Variants in SYTL5 observed in about 807,000 individuals in gnomAD.
The protein encoded by SYTL5 is synaptotagmin like 5.
SYTL5 carries 34 observed loss-of-function variants against 55.9 expected under a neutral mutation model. That is an observed-to-expected ratio of 0.61 (90% CI 0.46 to 0.81). The LOEUF is 0.81. Among genes scored for constraint, SYTL5 ranks in the 30% least tolerant of loss-of-function variants. The probability of loss-of-function intolerance (pLI) is 0.00; values close to 1 mark genes in which losing one functional copy is unlikely to be tolerated. For synonymous variants in SYTL5, 221 were observed against 188.7 expected (o/e 1.17, Z -1.40); for missense variants, 637 against 546.7 (o/e 1.17, Z -1.65).
chrX:37,901,564 C>T, the SYTL5 span, among the ~76,000 whole-genome samples: 1 of 112,046 alleles, frequency 8.9e-6, no homozygotes, highest in Non-Finnish European at 1.9e-5. Flanking sequence ...TGAAGTTCTT[C>T]TCTAAGAAGT....
chrX:38,059,695 T>TTTTG (rs34023431), intron 3 of SYTL5, among the ~76,000 whole-genome samples: 63 of 110,944 alleles, frequency 5.7e-4, no homozygotes, highest in Admixed American at 3.8e-3. Flanking sequence ...TTTTGGGGTT[T>TTTTG]TTTGTTTGTT....
At chrX:37,921,860 G>T in the SYTL5 span, among the ~76,000 whole-genome samples, 2 of 111,760 alleles carry the variant, frequency 1.8e-5, no homozygotes, top group South Asian at 7.5e-4. Context: ...TACTCAAGAA[G>T]TCTAGATGAT....
chrX:38,050,631 C>A (rs983548), intron 2 of SYTL5, among the ~76,000 whole-genome samples: 1 of 110,233 alleles, frequency 9.1e-6, no homozygotes, highest in African/African-American at 3.3e-5. Flanking sequence ...AAAAAATAAG[C>A]GGGAGCCAGC....
At chrX:37,949,708 A>G in the SYTL5 span, among the ~76,000 whole-genome samples, 8 of 112,360 alleles carry the variant, frequency 7.1e-5, no homozygotes, top group South Asian at 2.9e-3. Flanking sequence ...AATATACACT[A>G]GTTAGGGAAA....
At chrX:38,021,942 C>T (rs142280694) in intron 1 of SYTL5, among the ~76,000 whole-genome samples, 3,743 of 112,058 alleles carry the variant, frequency 0.033, 68 homozygotes, top group Middle Eastern at 0.064. Flanking sequence ...CCCAGTACTG[C>T]TCAAAATGTC....
At chrX:38,059,107 C>T (rs1935869970) in intron 3 of SYTL5, among the ~76,000 whole-genome samples, 1 of 111,748 alleles carries the variant, frequency 8.9e-6, no homozygotes, top group Admixed American at 9.5e-5. Context: ...ACTTCAGTTA[C>T]TGTGTTTTTC....
chrX:38,115,483 CAAAAA>C (rs772227891), intron 13 of SYTL5, among the ~76,000 whole-genome samples: 1 of 17,476 alleles, frequency 5.7e-5, no homozygotes, highest in Non-Finnish European at 1.0e-4. Context: ...GACTCCGTCT[CAAAAA>C]AAAAAAAAAA....
At chrX:38,086,576 G>T (rs1009265168) in intron 6 of SYTL5, among the ~76,000 whole-genome samples, 7 of 111,644 alleles carry the variant, frequency 6.3e-5, no homozygotes, top group African/African-American at 2.0e-4. Context: ...TTGAAGGTTT[G>T]TTGGCACTGA....
Position 38,024,326 on chromosome X carries a change from C to T in SYTL5, c.-356-9208C>T, listed in dbSNP as rs1337155863. Among the ~76,000 whole-genome samples, 3 of 110,976 alleles carry T rather than the reference C, an allele frequency of 2.7e-5. No homozygotes were observed. The Admixed American group carries it at 2.9e-4, about 11-fold the overall frequency. ...CCTGCACTCGCTCTTTTGCCTGCCACCATGTAAGACGTGCCTTTGTTCCTC... is the reference window on the plus strand; with the variant it reads ...CCTGCACTCGCTCTTTTGCCTGCCATCATGTAAGACGTGCCTTTGTTCCTC... On this transcript the variant is annotated intron_variant, in intron 1 of 16. Coordinates refer to ENST00000297875, the MANE Select transcript of SYTL5 (RefSeq NM_138780.3).
chrX:38,011,663 T>C (rs2147099828), intron 1 of SYTL5, among the ~76,000 whole-genome samples: 1 of 110,507 alleles, frequency 9.0e-6, no homozygotes, highest in South Asian at 3.9e-4. Context: ...TATATTATAT[T>C]GTTTTGCCCT....
chrX:38,034,655 A>G (rs1467325853), intron 2 of SYTL5, among the ~76,000 whole-genome samples: 2 of 111,875 alleles, frequency 1.8e-5, no homozygotes, highest in Non-Finnish European at 3.8e-5. Flanking sequence ...TGAATTTCAT[A>G]TCCACTGTAG....
chrX:38,109,712 A>C (rs141592082), intron 12 of SYTL5, among the ~76,000 whole-genome samples: 1 of 108,747 alleles, frequency 9.2e-6, no homozygotes. Flanking sequence ...TGGTGGTTGC[A>C]TAGAACAAGC....
At chrX:38,075,646 C>G (rs1352339690) in intron 5 of SYTL5, among the ~76,000 whole-genome samples, 4 of 111,397 alleles carry the variant, frequency 3.6e-5, no homozygotes, top group African/African-American at 1.3e-4. Flanking sequence ...CTATTCTCAC[C>G]AAAGAAAAAA....
At chrX:37,896,185 A>G in the SYTL5 span, among the ~76,000 whole-genome samples, 1 of 112,627 alleles carries the variant, frequency 8.9e-6, no homozygotes, top group African/African-American at 3.2e-5. Flanking sequence ...CTTCAGTGTG[A>G]GCAAAATAAC....
chrX:37,919,924 A>G, the SYTL5 span, among the ~76,000 whole-genome samples: 1 of 111,835 alleles, frequency 8.9e-6, no homozygotes, highest in Non-Finnish European at 1.9e-5. Flanking sequence ...AATTAAGTAT[A>G]CCTCGTATCT....
the SYTL5 span, among the ~76,000 whole-genome samples, chrX:37,995,136 A>G: frequency 1.1e-4 from 12 of 109,967 alleles, no homozygotes; most frequent in African/African-American, 4.0e-4. Flanking sequence ...ATTGTCTCTG[A>G]ACAGGAAGGC....
upstream of SYTL5, among the ~76,000 whole-genome samples, chrX:38,004,529 T>C (rs936865393): frequency 1.8e-5 from 2 of 111,703 alleles, no homozygotes; most frequent in African/African-American, 3.3e-5. Flanking sequence ...AATATAAATG[T>C]CCATCAACAG....
At chrX:37,996,342 G>A in the SYTL5 span, among the ~76,000 whole-genome samples, 7 of 112,196 alleles carry the variant, frequency 6.2e-5, no homozygotes, top group Non-Finnish European at 1.3e-4. Context: ...GAAGGCATGA[G>A]CCCACCCATA....
intron 11 of SYTL5, among the ~76,000 whole-genome samples, chrX:38,107,291 G>A (rs1305852077): frequency 1.8e-5 from 2 of 111,607 alleles, no homozygotes; most frequent in Non-Finnish European, 3.8e-5. Context: ...GAGGACTTAG[G>A]ACTCTGCACG....
Sources: allele counts gnomAD v4.1 joint callset (sites outside exome capture counted in the v4.1 genomes callset), GRCh38; gene constraint gnomAD v4.1.1; transcripts MANE v1.5; gene names NCBI Gene and HGNC (gene_info 2026-07-23, HGNC 2026-07-21).